ZNF148: variants seen among roughly 807,000 people sequenced by gnomAD.
The protein encoded by ZNF148 is Beta-Enolase Repressor Factor-1.
ZNF148 carries 7 observed loss-of-function variants against 67.7 expected under a neutral mutation model. That is an observed-to-expected ratio of 0.10 (90% CI 0.06 to 0.19). The LOEUF (loss-of-function observed/expected upper bound fraction) is 0.19. Among genes scored for constraint, ZNF148 ranks in the 10% least tolerant of loss-of-function variants. The pLI is 1.00. For missense variants in ZNF148, 583 were observed against 947.1 expected, an observed-to-expected ratio of 0.62 and a Z score of 5.05; for synonymous variants, 333 against 330.7, an observed-to-expected ratio of 1.01 and a Z score of -0.08.
At chr3:125,363,205 A>T (rs1942597598) in intron 1 of ZNF148, among the ~76,000 whole-genome samples, 2 of 152,200 alleles carry the variant, frequency 1.3e-5, no homozygotes, top group African/African-American at 4.8e-5. Flanking sequence ...TGGAATGCAT[A>T]ATGATTTCTT....
At chr3:125,310,303 C>T (rs1456328782) in intron 4 of ZNF148, among the ~76,000 whole-genome samples, 1 of 152,004 alleles carries the variant, frequency 6.6e-6, no homozygotes, top group Non-Finnish European at 1.5e-5. Context: ...TAGTCTCAAA[C>T]TCCTGAGCTC....
In ZNF148 at chr3:125,244,649, C is replaced by T. The variant is rs145373508; in HGVS notation, c.668-10320G>A. Among the ~76,000 whole-genome samples, 45 of 152,230 alleles carry T rather than the reference C, an allele frequency of 3.0e-4. 2 individuals carry two copies. The highest frequency in any genetic ancestry group is 9.2e-4 in the African/African-American group (38 of 41,530). ...AGTAGCTGGCATTACAGGCATGCAC[C>T]ACCATGCCCAGCTTATTTTTGTATT... On this transcript the variant is annotated intron_variant, in intron 7 of 8. Transcript: ENST00000360647.
At chr3:125,365,848 T>C (rs994587549) in intron 1 of ZNF148, among the ~76,000 whole-genome samples, 2 of 152,112 alleles carry the variant, frequency 1.3e-5, no homozygotes, top group Non-Finnish European at 2.9e-5. Context: ...AATAAATAAA[T>C]AGCATATTTC....
chr3:125,234,123 T>C, intron 8 of ZNF148, 88 bp downstream of exon 8: 2 of 1,209,860 alleles, frequency 1.7e-6, no homozygotes, highest in South Asian at 1.5e-5. Context: ...GCCCCTTAAA[T>C]AGCTCTAAGT....
chr3:125,301,476 T>G (rs1317123258), intron 4 of ZNF148, among the ~76,000 whole-genome samples: 1 of 152,214 alleles, frequency 6.6e-6, no homozygotes, highest in Non-Finnish European at 1.5e-5. Flanking sequence ...ATACTTCAAA[T>G]GTCACCAAAC....
intron 7 of ZNF148, 46 bp from the exon 8 acceptor site, chr3:125,234,375 A>C: frequency 3.1e-6 from 4 of 1,304,018 alleles, no homozygotes; most frequent in Non-Finnish European, 4.3e-6. Flanking sequence ...ATATTGTAAA[A>C]TAATGAATTG....
Position 125,277,659 on chromosome 3 carries a change from T to C in ZNF148, c.667+67A>G, listed in dbSNP as rs1938146746. The C allele has an allele frequency of 2.9e-6, 4 of 1,383,898 alleles. No individual in the cohort carries two copies. The Admixed American group carries it at 6.1e-5, about 21-fold the overall frequency. 85.7% of individuals were successfully genotyped at this position (1,383,898 alleles called of 1,614,324 possible). A position where few individuals can be genotyped will look rare whatever the true frequency, so the allele number is the denominator to read the frequency against. ...AATGGCAGCAAGTCACTGCCACTTA[T>C]TAAAAATTCTTCCCTCCATTTGAAA... On this transcript the variant is annotated intron_variant, in intron 7 of 8. Transcript: ENST00000360647.
chr3:125,334,484 G>T (rs1175810513), intron 1 of ZNF148, among the ~76,000 whole-genome samples: 1 of 152,112 alleles, frequency 6.6e-6, no homozygotes, highest in Non-Finnish European at 1.5e-5. Context: ...CTTTTCAAAA[G>T]AAAAGGAAGA....
At chr3:125,325,552 G>C (rs1240163102) in intron 2 of ZNF148, among the ~76,000 whole-genome samples, 3 of 151,986 alleles carry the variant, frequency 2.0e-5, no homozygotes, top group African/African-American at 7.3e-5. Context: ...TGCAACCTCT[G>C]CCTCCCCGGT....
intron 7 of ZNF148, among the ~76,000 whole-genome samples, chr3:125,271,467 C>T (rs1937731489): frequency 6.6e-6 from 1 of 152,222 alleles, no homozygotes; most frequent in Non-Finnish European, 1.5e-5. Context: ...ATAAAAATCT[C>T]CCTGGTTAAA....
chr3:125,312,433 G>C (rs1211297915), intron 4 of ZNF148, among the ~76,000 whole-genome samples: 1 of 152,178 alleles, frequency 6.6e-6, no homozygotes. Flanking sequence ...GGACTACAGT[G>C]AAAAGTAAGA....
intron 7 of ZNF148, among the ~76,000 whole-genome samples, chr3:125,235,638 T>C (rs1209575701): frequency 6.6e-6 from 1 of 152,212 alleles, no homozygotes; most frequent in East Asian, 1.9e-4. Flanking sequence ...TTTTTTTAAA[T>C]TTCAAATTAC....
At chr3:125,374,705 A>G (rs1290067179) in intron 1 of ZNF148, among the ~76,000 whole-genome samples, 1 of 151,922 alleles carries the variant, frequency 6.6e-6, no homozygotes, top group Non-Finnish European at 1.5e-5. Context: ...CGGTGCATAA[A>G]GCACTGCACC....
chr3:125,338,067 G>A (rs575007962), intron 1 of ZNF148, among the ~76,000 whole-genome samples: 1 of 152,184 alleles, frequency 6.6e-6, no homozygotes, highest in East Asian at 1.9e-4. Flanking sequence ...TTGCACCACT[G>A]CACTCCAGCC....
intron 7 of ZNF148, among the ~76,000 whole-genome samples, chr3:125,267,988 C>A (rs1579661902): frequency 6.6e-6 from 1 of 151,730 alleles, no homozygotes; most frequent in South Asian, 2.1e-4. Flanking sequence ...CATACCCATA[C>A]CCTAGGAATA....
intron 4 of ZNF148, among the ~76,000 whole-genome samples, chr3:125,303,094 A>T (rs950544414): frequency 1.3e-5 from 2 of 152,230 alleles, no homozygotes; most frequent in Non-Finnish European, 2.9e-5. Flanking sequence ...GTTGAGTGAA[A>T]AAAATAGTCA....
In ZNF148 at chr3:125,239,730, C is replaced by T. The variant is rs114722559; in HGVS notation, c.668-5401G>A. Among the ~76,000 whole-genome samples the T allele has an allele frequency of 2.7e-3, 404 of 152,258 alleles. 1 individual carries two copies. Among genetic ancestry groups the T allele is most frequent in the African/African-American group, 9.3e-3 (387 of 41,546 alleles). ...CACAAGTATTCATAGCGGCATTATT[C>T]ACAATGGCCAAAAGAGGAAACGGCC... On this transcript the variant is annotated intron_variant, in intron 7 of 8. Coordinates refer to ENST00000360647, the MANE Select transcript of ZNF148 (RefSeq NM_021964.3).
At chr3:125,239,441 A>G (rs1414370503) in intron 7 of ZNF148, among the ~76,000 whole-genome samples, 1 of 152,216 alleles carries the variant, frequency 6.6e-6, no homozygotes, top group Non-Finnish European at 1.5e-5. Context: ...CATCATGATC[A>G]TCAGGGAAAT....
At chr3:125,234,380 G>T (rs1217637189) in intron 7 of ZNF148, 51 bp from the exon 8 acceptor site, 5 of 1,263,882 alleles carry the variant, frequency 4.0e-6, no homozygotes, top group South Asian at 2.8e-5. Context: ...GTAAAATAAT[G>T]AATTGCTTTG....
Sources: gnomAD v4.1 joint callset for allele counts (sites outside exome capture counted in the v4.1 genomes callset) on GRCh38, gnomAD v4.1.1 for gene constraint, MANE v1.5 for transcripts, NCBI Gene and HGNC (gene_info 2026-07-23, HGNC 2026-07-21) for gene names.